Variants in TRIM37 observed in about 807,000 individuals in gnomAD.
The protein encoded by TRIM37 is tripartite motif containing 37, also known as E3 ubiquitin-protein ligase TRIM37.
TRIM37 carries 80 observed loss-of-function variants against 129.8 expected under a neutral mutation model. The ratio of observed to expected loss-of-function variants is 0.62; its 90% CI spans 0.51 to 0.74. TRIM37 has a LOEUF of 0.74. Among genes scored for constraint, TRIM37 ranks in the 30% least tolerant of loss-of-function variants. The pLI is 0.00. For synonymous variants in TRIM37, 389 were observed against 387.1 expected (o/e 1.00, Z -0.06); for missense variants, 1,054 against 1,176.5 (o/e 0.90, Z 1.52).
At position 59,095,072 on chromosome 17, in the gene TRIM37, C is replaced by T. The variant is rs541547689; in HGVS notation, c.124-3732G>A. Among the ~76,000 whole-genome samples, 4 of 151,890 alleles carry T rather than the reference C, an allele frequency of 2.6e-5. No individual in the cohort carries two copies. In the South Asian group the frequency reaches 8.3e-4, roughly 32 times the overall value. ...CTCTACAATAAATTTAAAAATTAGCCGGGCATGGTGGACACGCCTGTAGTC... is the reference window on the plus strand; with the variant it reads ...CTCTACAATAAATTTAAAAATTAGCTGGGCATGGTGGACACGCCTGTAGTC... On this transcript the variant is annotated intron_variant, in intron 2 of 23. Transcript: ENST00000262294.
chr17:59,021,486 G>T (rs2036599372), intron 19 of TRIM37, among the ~76,000 whole-genome samples: 1 of 152,134 alleles, frequency 6.6e-6, no homozygotes, highest in Admixed American at 6.6e-5. Flanking sequence ...AACAACATGG[G>T]TGGAACTGGA....
chr17:59,072,160 T>C (rs1219067873), intron 8 of TRIM37, among the ~76,000 whole-genome samples: 3 of 152,072 alleles, frequency 2.0e-5, no homozygotes, highest in African/African-American at 7.2e-5. Flanking sequence ...GAAAAGTCCA[T>C]GTGAGGACAC....
chr17:59,072,133 G>A (rs1264278464), intron 8 of TRIM37, among the ~76,000 whole-genome samples: 1 of 152,046 alleles, frequency 6.6e-6, no homozygotes, highest in Non-Finnish European at 1.5e-5. Context: ...GAGACTCTAG[G>A]GCTGCACAAC....
chr17:58,992,322 A>T (rs901151479), intron 24 of TRIM37, among the ~76,000 whole-genome samples: 3 of 137,790 alleles, frequency 2.2e-5, no homozygotes, highest in Non-Finnish European at 4.6e-5. Context: ...TACATATGTA[A>T]ATATATATAT....
intron 13 of TRIM37, 122 bp downstream of exon 13, chr17:59,056,746 AAGGTGAT>A: frequency 2.1e-6 from 1 of 468,660 alleles, no homozygotes; most frequent in Non-Finnish European, 3.6e-6. Flanking sequence ...AAAAAAAAAA[AAGGTGAT>A]AAGGTTATAG....
chr17:59,035,417 T>C (rs995460731), intron 17 of TRIM37, among the ~76,000 whole-genome samples: 3 of 152,112 alleles, frequency 2.0e-5, no homozygotes, highest in Non-Finnish European at 2.9e-5. Context: ...CTTTATTCTA[T>C]TGGAAAACAA....
At chr17:59,042,374 C>CAAA (rs1409397122) in intron 16 of TRIM37, among the ~76,000 whole-genome samples, 2 of 49,930 alleles carry the variant, frequency 4.0e-5, no homozygotes, top group African/African-American at 7.6e-5. Context: ...GACTCCATCT[C>CAAA]AAAAAAAAAA....
intron 19 of TRIM37, among the ~76,000 whole-genome samples, chr17:59,024,665 T>A (rs1376388002): frequency 6.6e-6 from 1 of 152,222 alleles, no homozygotes; most frequent in African/African-American, 2.4e-5. Flanking sequence ...TAGCTGGGGT[T>A]ACAGGTACAT....
intron 22 of TRIM37, among the ~76,000 whole-genome samples, chr17:59,004,084 A>G (rs1224622497): frequency 6.6e-6 from 1 of 152,006 alleles, no homozygotes; most frequent in Non-Finnish European, 1.5e-5. Flanking sequence ...ACTCCAGCCT[A>G]GGTAACAGAA....
chr17:59,059,905 T>C (rs532884289), intron 12 of TRIM37, among the ~76,000 whole-genome samples: 30 of 152,296 alleles, frequency 2.0e-4, no homozygotes, highest in Admixed American at 7.8e-4. Context: ...CAGGTTGCAA[T>C]AGACACAGTT....
chr17:59,052,229 A>AGC, intron 13 of TRIM37, among the ~76,000 whole-genome samples: 1 of 145,558 alleles, frequency 6.9e-6, no homozygotes, highest in Admixed American at 6.9e-5. Flanking sequence ...AAAAAAAAAA[A>AGC]CTATTACTAA....
chr17:59,051,102 A>T, intron 14 of TRIM37, 112 bp downstream of exon 14: 2 of 765,546 alleles, frequency 2.6e-6, no homozygotes, highest in East Asian at 2.7e-5. Flanking sequence ...TTTTTTTCTA[A>T]TTACAAATTA....
downstream of TRIM37, chr17:58,980,294 G>A (rs1316625031): frequency 6.2e-7 from 1 of 1,614,168 alleles, no homozygotes; most frequent in South Asian, 1.1e-5. This position sits in a 1 kb window ranked among gnomAD's most constrained non-coding sequence, Gnocchi z 4.7. Context: ...TTTTCAAGGA[G>A]GGCAAGAAGA....
chr17:59,055,646 C>T (rs1171066683), intron 13 of TRIM37, among the ~76,000 whole-genome samples: 5 of 136,578 alleles, frequency 3.7e-5, no homozygotes, highest in East Asian at 4.3e-4. Context: ...TGCAGTGAGC[C>T]GATATGTCGC....
Position 58,999,318 on chromosome 17 carries a change from C to A in TRIM37, c.*59G>T. On this transcript the variant is annotated 3_prime_UTR_variant, in exon 24 of 24. Transcript: ENST00000262294. ...TCTGACTGATGACAAATTTGAGCAC[C>A]AACTACAGCAAAATTCAGGGTCAAG... 6.2e-7 allele frequency: 1 copy of A among 1,612,458 alleles called. No individual in the cohort carries two copies. Among genetic ancestry groups the A allele is most frequent in the South Asian group, 1.1e-5 (1 of 90,782 alleles).
In TRIM37 at chr17:59,056,993, G is replaced by A. The variant is rs1294799200; in HGVS notation, c.1081C>T (p.Arg361Ter). 1.8e-5 allele frequency: 29 copies of A among 1,613,584 alleles called. No individual in the cohort carries two copies. Among genetic ancestry groups the A allele is most frequent in the Non-Finnish European group, 2.0e-5 (24 of 1,179,836 alleles). ...ACTTCAAAGTCAGATGCAAATTCTCGAATGATATTTTTTGTAGGATCATTA... is the reference window on the plus strand; with the variant it reads ...ACTTCAAAGTCAGATGCAAATTCTCAAATGATATTTTTTGTAGGATCATTA... ...SCNDPTKNII[R>*]EFASDFEVGE... The change falls in exon 13 of 24, where the codon CGA (arginine) becomes TGA (stop). Residue 361 changes from arginine (R) to a stop codon, truncating the protein, a stop_gained. Transcript: ENST00000262294. LOFTEE classifies it high-confidence loss of function.
chr17:58,971,727 A>T, the TRIM37 span, among the ~76,000 whole-genome samples: 1 of 152,200 alleles, frequency 6.6e-6, no homozygotes, highest in South Asian at 2.1e-4. Flanking sequence ...TCAGTAATGA[A>T]ATGGAGAGCA....
intron 17 of TRIM37, among the ~76,000 whole-genome samples, chr17:59,040,224 A>G (rs1201622176): frequency 6.6e-6 from 1 of 152,146 alleles, no homozygotes; most frequent in Non-Finnish European, 1.5e-5. Flanking sequence ...ACATGATTAG[A>G]TATTAATCAG....
At chr17:59,106,248 AAC>A (rs766764528) in intron 1 of TRIM37, among the ~76,000 whole-genome samples, 191 bp downstream of exon 1, 31 of 152,196 alleles carry the variant, frequency 2.0e-4, no homozygotes, top group Non-Finnish European at 4.1e-4. Flanking sequence ...CTGACTGCGG[AAC>A]AGTGAGCACA....
Sources: allele counts gnomAD v4.1 joint callset (sites outside exome capture counted in the v4.1 genomes callset), GRCh38; gene constraint gnomAD v4.1.1; non-coding constraint Gnocchi (gnomAD v3.1); transcripts MANE v1.5; gene names NCBI Gene and HGNC (gene_info 2026-07-23, HGNC 2026-07-21).